NRAP: variants seen among roughly 807,000 people sequenced by gnomAD.
NRAP encodes nebulin related anchoring protein, also known as nebulin-related-anchoring protein.
A neutral mutation model predicts 225.9 loss-of-function variants in NRAP; 189 were observed. That is an observed-to-expected ratio of 0.84 (90% CI 0.74 to 0.94). The LOEUF (loss-of-function observed/expected upper bound fraction) is 0.94. Ranked by LOEUF, NRAP falls within the 40% of genes least tolerant of loss-of-function variation. The pLI is 0.00. For synonymous variants in NRAP, 769 were observed against 790.7 expected (o/e 0.97, Z 0.46); for missense variants, 2,176 against 2,168.7 (o/e 1.00, Z -0.07).
intron 32 of NRAP, among the ~76,000 whole-genome samples, chr10:113,606,713 C>CACACCA (rs1026349449): frequency 6.6e-6 from 1 of 152,158 alleles, no homozygotes; most frequent in Non-Finnish European, 1.5e-5. Context: ...ACAGGTGAAT[C>CACACCA]ACACCAATGC....
intron 38 of NRAP, among the ~76,000 whole-genome samples, chr10:113,593,952 C>T (rs779503693): frequency 5.3e-5 from 8 of 152,224 alleles, no homozygotes; most frequent in East Asian, 1.9e-4. Flanking sequence ...GGGGGTCTCC[C>T]GAGTGTGCAG....
chr10:113,620,490 T>G, intron 25 of NRAP, 114 bp downstream of exon 25: 1 of 762,118 alleles, frequency 1.3e-6, no homozygotes, highest in Non-Finnish European at 2.2e-6. Flanking sequence ...TTGAGGCCTT[T>G]CATGTGGCTT....
At chr10:113,594,287 G>A (rs1042310044) in intron 38 of NRAP, among the ~76,000 whole-genome samples, 4 of 152,040 alleles carry the variant, frequency 2.6e-5, no homozygotes, top group Non-Finnish European at 5.9e-5. Flanking sequence ...TATTCTACAC[G>A]CCCCCGAAGA....
At chr10:113,623,036 G>A (rs1270048622) in intron 23 of NRAP, among the ~76,000 whole-genome samples, 3 of 152,300 alleles carry the variant, frequency 2.0e-5, no homozygotes, top group South Asian at 2.1e-4. Flanking sequence ...CTTCATGTAC[G>A]TCAGTTCATT....
rs1172086089 is a variant in NRAP at position 113,650,539 on chromosome 10, A to T, written c.682T>A (p.Tyr228Asn). 1 of 1,606,152 alleles carries T rather than the reference A, an allele frequency of 6.2e-7. No individual in the cohort carries two copies. Among genetic ancestry groups the T allele is most frequent in the Non-Finnish European group, 8.5e-7 (1 of 1,172,778 alleles). The change falls in exon 8 of 42, where the codon TAC (tyrosine) becomes AAC (asparagine). Residue 228 changes from tyrosine to asparagine, a missense_variant. Physicochemically the swap from Tyr to Asn is moderately radical, Grantham distance 143 (BLOSUM62 -2). This residue lies in a region of NRAP where 1,708 missense variants were observed against 1,695.5 expected (regional missense o/e 1.01). Transcript: ENST00000359988. ...AGAQLQSDVR[Y>N]TEDYEQQRGK... ...CTTTGTTGTTCATAGTCCTCTGTGTATCTCACCTGAAATGAAAAAACATGT... is the reference window on the plus strand; with the variant it reads ...CTTTGTTGTTCATAGTCCTCTGTGTTTCTCACCTGAAATGAAAAAACATGT...
chr10:113,589,225 A>C, intron 41 of NRAP, 146 bp from the exon 42 acceptor site: 1 of 629,778 alleles, frequency 1.6e-6, no homozygotes, highest in East Asian at 2.8e-5. Context: ...TACCCTCCCC[A>C]AGAAAAAGGG....
chr10:113,649,474 T>A (rs549621318), intron 9 of NRAP, among the ~76,000 whole-genome samples: 1 of 152,344 alleles, frequency 6.6e-6, no homozygotes, highest in East Asian at 1.9e-4. Context: ...GACAGAGGGA[T>A]GTGCAAATAA....
rs1281167858 is a variant in NRAP, at chr10:113,605,853, G to C, written c.3824C>G (p.Ser1275Cys). The change falls in exon 34 of 42, where the codon TCC (serine) becomes TGC (cysteine). Residue 1275 changes from serine to cysteine, a missense_variant. Physicochemically the swap from Ser to Cys is moderately radical, Grantham distance 112 (BLOSUM62 -1). Around this residue, in one of 3 missense-constraint regions of NRAP, gnomAD observed 1,708 missense variants for 1,695.5 expected, o/e 1.01. Coordinates refer to ENST00000359988, the MANE Select transcript of NRAP (RefSeq NM_198060.4). ...GCCTTGAGCACGAAGATTACGCCAGGACTCTTTGTATCTTGCCTAAAGTGG... is the reference window on the plus strand; with the variant it reads ...GCCTTGAGCACGAAGATTACGCCAGCACTCTTTGTATCTTGCCTAAAGTGG... ...ANLSDARYKE[S>C]WRNLRAQGYK... 1 of 1,613,398 alleles carries C rather than the reference G, an allele frequency of 6.2e-7. No homozygotes were observed. Among genetic ancestry groups the C allele is most frequent in the East Asian group, 2.2e-5 (1 of 44,872 alleles).
intron 38 of NRAP, among the ~76,000 whole-genome samples, chr10:113,594,945 A>G (rs1321792647): frequency 1.3e-5 from 2 of 152,200 alleles, no homozygotes; most frequent in Non-Finnish European, 2.9e-5. Context: ...CTGATCTGAC[A>G]GTGTCTTTTG....
At chr10:113,636,688 C>T (rs1336733653) in intron 14 of NRAP, among the ~76,000 whole-genome samples, 2 of 152,106 alleles carry the variant, frequency 1.3e-5, no homozygotes, top group African/African-American at 4.8e-5. Flanking sequence ...TTTTTAAATG[C>T]TAACAAATAG....
chr10:113,600,785 G>A (rs770342534), intron 35 of NRAP, among the ~76,000 whole-genome samples: 26 of 152,170 alleles, frequency 1.7e-4, no homozygotes, highest in Admixed American at 9.8e-4. Context: ...CCTTATCGCC[G>A]CATCCTGTAA....
intron 27 of NRAP, 118 bp from the exon 28 acceptor site, chr10:113,615,064 G>A (rs924719744): frequency 2.9e-6 from 2 of 686,132 alleles, no homozygotes; most frequent in Admixed American, 2.1e-5. Context: ...CTGGCCAGTT[G>A]GAGTTAGAGA....
intron 14 of NRAP, among the ~76,000 whole-genome samples, chr10:113,638,232 T>C (rs1424028815): frequency 6.6e-6 from 1 of 152,234 alleles, no homozygotes; most frequent in Non-Finnish European, 1.5e-5. Context: ...CTGAGCACAA[T>C]TACTTTACTC....
chr10:113,638,792 C>T (rs769183626), intron 14 of NRAP, among the ~76,000 whole-genome samples: 2 of 152,190 alleles, frequency 1.3e-5, no homozygotes, highest in African/African-American at 2.4e-5. Context: ...CAAAGCACTT[C>T]CGTAGTGCAA....
At chr10:113,658,252 A>G (rs1850433638) in intron 3 of NRAP, among the ~76,000 whole-genome samples, 1 of 152,124 alleles carries the variant, frequency 6.6e-6, no homozygotes, top group Non-Finnish European at 1.5e-5. Context: ...TTAATAGAGT[A>G]AGTCTGCTTT....
intron 4 of NRAP, among the ~76,000 whole-genome samples, chr10:113,655,044 G>C (rs1850223533): frequency 6.6e-6 from 1 of 152,206 alleles, no homozygotes; most frequent in Non-Finnish European, 1.5e-5. Context: ...AGGTTGGATA[G>C]AGCCAGCCTT....
chr10:113,589,282 C>T (rs904514689), intron 41 of NRAP: 69 of 588,278 alleles, frequency 1.2e-4, no homozygotes, highest in Non-Finnish European at 1.9e-4. Flanking sequence ...TCATTTAGAC[C>T]TGGCTTCTTT....
Position 113,608,434 on chromosome 10 carries a change from T to C in NRAP, c.3682A>G (p.Ser1228Gly). The C allele has an allele frequency of 6.2e-7, 1 of 1,611,842 alleles. No individual in the cohort carries two copies. Among genetic ancestry groups the C allele is most frequent in the Non-Finnish European group, 8.5e-7 (1 of 1,178,198 alleles). Residue 1228 changes from serine (S) to glycine (G), a missense_variant, in exon 32 of 42, where the codon AGC becomes GGC. Ser to Gly is a moderately conservative substitution (Grantham distance 56, BLOSUM62 0). This residue lies in a region of NRAP where 1,708 missense variants were observed against 1,695.5 expected (regional missense o/e 1.01). Transcript: ENST00000359988. ...DTPNLLHAKF[S>G]NQITNERLYK... Reference sequence around the variant, plus strand: ...TTTACCTCATTCGTTATCTGGTTGCTGAATTTCGCATGAAGGAGGTTGGGA... The same window carrying C: ...TTTACCTCATTCGTTATCTGGTTGCCGAATTTCGCATGAAGGAGGTTGGGA...
At chr10:113,593,249 G>A (rs1342574622) in intron 38 of NRAP, among the ~76,000 whole-genome samples, 1 of 152,142 alleles carries the variant, frequency 6.6e-6, no homozygotes, top group Non-Finnish European at 1.5e-5. Flanking sequence ...GGGCCCTTAA[G>A]AACCGTCCTT....
Sources: allele counts gnomAD v4.1 joint callset (sites outside exome capture counted in the v4.1 genomes callset), GRCh38; gene constraint gnomAD v4.1.1; regional missense constraint gnomAD v4.1.1; transcripts MANE v1.5; gene names NCBI Gene and HGNC (gene_info 2026-07-23, HGNC 2026-07-21).